The following SPMIP2 variants were observed in gnomAD, a reference collection of about 807,000 sequenced individuals.
The protein encoded by SPMIP2 is protein SPMIP2.
At chr4:159,054,631 A>C in the SPMIP2 span, among the ~76,000 whole-genome samples, 1 of 152,174 alleles carries the variant, frequency 6.6e-6, no homozygotes, top group Non-Finnish European at 1.5e-5. Context: ...CATTGTCTTT[A>C]ACATTCTTCA....
At chr4:158,963,461 C>T in the SPMIP2 span, among the ~76,000 whole-genome samples, 1 of 152,094 alleles carries the variant, frequency 6.6e-6, no homozygotes, top group African/African-American at 2.4e-5. Flanking sequence ...ACCACCATGC[C>T]CAGCTAGTAG....
the SPMIP2 span, among the ~76,000 whole-genome samples, chr4:158,981,040 T>C: frequency 6.6e-6 from 1 of 152,156 alleles, no homozygotes; most frequent in South Asian, 2.1e-4. Context: ...AAACATAGCA[T>C]GAGAACTCTG....
At chr4:158,900,723 A>G in the SPMIP2 span, among the ~76,000 whole-genome samples, 15 of 151,878 alleles carry the variant, frequency 9.9e-5, no homozygotes, top group Non-Finnish European at 1.8e-4. Context: ...GAGTCTGTGT[A>G]TGTGTTTGCA....
the SPMIP2 span, among the ~76,000 whole-genome samples, chr4:159,082,711 C>CA: frequency 1.3e-5 from 2 of 152,110 alleles, no homozygotes; most frequent in African/African-American, 4.8e-5. Context: ...AACTACATTG[C>CA]AAAAACCATT....
At chr4:158,982,409 A>G in the SPMIP2 span, among the ~76,000 whole-genome samples, 1 of 152,206 alleles carries the variant, frequency 6.6e-6, no homozygotes, top group Non-Finnish European at 1.5e-5. Context: ...ACCCCAAATC[A>G]ATAGAATATA....
At chr4:159,035,940 C>A in the SPMIP2 span, among the ~76,000 whole-genome samples, 19 of 152,210 alleles carry the variant, frequency 1.2e-4, no homozygotes, top group South Asian at 3.7e-3. Context: ...TATCGACCTC[C>A]CCACTAGAAT....
the SPMIP2 span, among the ~76,000 whole-genome samples, chr4:159,037,505 A>G: frequency 6.6e-6 from 1 of 150,832 alleles, no homozygotes; most frequent in Non-Finnish European, 1.5e-5. Flanking sequence ...AAGGCCTGGC[A>G]TAGTGGCTTA....
At chr4:159,057,094 T>C in the SPMIP2 span, among the ~76,000 whole-genome samples, 1 of 152,186 alleles carries the variant, frequency 6.6e-6, no homozygotes, top group Non-Finnish European at 1.5e-5. Context: ...ATTTAGGATT[T>C]GGAATTTATC....
the SPMIP2 span, among the ~76,000 whole-genome samples, chr4:158,982,134 A>G: frequency 6.6e-6 from 1 of 152,254 alleles, no homozygotes; most frequent in Non-Finnish European, 1.5e-5. Context: ...GAAGAGCATT[A>G]CAAAATGGTA....
chr4:158,900,099 T>G, the SPMIP2 span, among the ~76,000 whole-genome samples: 44 of 152,350 alleles, frequency 2.9e-4, no homozygotes, highest in African/African-American at 1.1e-3. Context: ...CATTTCGTTA[T>G]GTACCCAGTA....
At chr4:159,073,004 T>C in the SPMIP2 span, among the ~76,000 whole-genome samples, 1 of 152,186 alleles carries the variant, frequency 6.6e-6, no homozygotes, top group Non-Finnish European at 1.5e-5. Context: ...GTAGGTGACA[T>C]GTATTGTTAA....
At chr4:158,915,478 C>T in the SPMIP2 span, 4 of 894,486 alleles carry the variant, frequency 4.5e-6, no homozygotes, top group Non-Finnish European at 6.7e-6. Context: ...AGCCATGTGG[C>T]TTAGGAAAGC....
chr4:159,082,088 C>T, the SPMIP2 span, among the ~76,000 whole-genome samples: 3 of 148,720 alleles, frequency 2.0e-5, no homozygotes, highest in Non-Finnish European at 4.4e-5. Context: ...GAGGAGAAGG[C>T]GAGCAGATCA....
the SPMIP2 span, among the ~76,000 whole-genome samples, chr4:158,985,813 G>A: frequency 0.011 from 1,648 of 152,118 alleles, 18 homozygotes; most frequent in Middle Eastern, 0.048. Context: ...GAAATAAAGG[G>A]TATTCAATTA....
the SPMIP2 span, among the ~76,000 whole-genome samples, chr4:159,019,579 T>G: frequency 6.6e-5 from 10 of 152,140 alleles, no homozygotes; most frequent in Non-Finnish European, 1.0e-4. Context: ...GTCATGGCAC[T>G]GGAGAGGCTG....
At chr4:159,055,078 G>C in the SPMIP2 span, among the ~76,000 whole-genome samples, 27 of 152,288 alleles carry the variant, frequency 1.8e-4, no homozygotes, top group African/African-American at 6.5e-4. Context: ...AATATTGGAG[G>C]CTGGTGTCAA....
chr4:159,070,020 G>A, the SPMIP2 span, among the ~76,000 whole-genome samples: 2 of 151,532 alleles, frequency 1.3e-5, no homozygotes, highest in Admixed American at 6.6e-5. Flanking sequence ...GTAACCTCTC[G>A]CAAAGTACAA....
chr4:158,976,563 G>C, the SPMIP2 span, among the ~76,000 whole-genome samples: 1 of 151,546 alleles, frequency 6.6e-6, no homozygotes, highest in Non-Finnish European at 1.5e-5. Context: ...TTTGTCATTG[G>C]TTCTGTTTAT....
chr4:158,956,510 C>T, the SPMIP2 span, among the ~76,000 whole-genome samples: 1,643 of 152,280 alleles, frequency 0.011, 18 homozygotes, highest in African/African-American at 0.037. Flanking sequence ...CTGCAGCGAG[C>T]GGAGATCGCG....
Sources: allele counts gnomAD v4.1 joint callset (sites outside exome capture counted in the v4.1 genomes callset), GRCh38; gene constraint gnomAD v4.1.1; transcripts MANE v1.5; gene names NCBI Gene and HGNC (gene_info 2026-07-23, HGNC 2026-07-21).